Variants in TG observed in about 807,000 individuals in gnomAD.
TG encodes the protein thyroglobulin, also known as thyroid hormones.
In TG, 270 loss-of-function variants were observed where a neutral mutation model predicts 324.7. The observed-to-expected ratio is 0.83, with a 90% CI of 0.75 to 0.92. The LOEUF (loss-of-function observed/expected upper bound fraction) is 0.92, where lower values mean the gene tolerates loss of function less well. Among genes scored for constraint, TG ranks in the 40% least tolerant of loss-of-function variants. The probability of loss-of-function intolerance (pLI) is 0.00; values close to 1 mark genes in which losing one functional copy is unlikely to be tolerated. For synonymous variants in TG, 1,401 were observed against 1,327.0 expected (o/e 1.06, Z -1.21); for missense variants, 3,591 against 3,456.4 (o/e 1.04, Z -0.98).
In TG at chr8:132,887,529, A is replaced by G. The variant is rs1043994932; in HGVS notation, c.2157A>G (p.Ala719=). The G allele has an allele frequency of 6.2e-7, 1 of 1,614,216 alleles. No homozygotes were observed. The highest frequency in any genetic ancestry group is 2.2e-5 in the East Asian group (1 of 44,880). Residue 719 remains alanine, a synonymous_variant, in exon 9 of 48, where the codon GCA becomes GCG. Transcript: ENST00000220616. The part of the protein sequence containing the change: ...EGQAIPGTRS[A]IGKPKKCPTP... ...AGGCCATTCCTGGAACTCGAAGTGC[A>G]ATAGGGAAGCCCAAGAAATGTAAGT...
intron 35 of TG, among the ~76,000 whole-genome samples, chr8:132,997,588 G>A (rs1833003973): frequency 6.6e-6 from 1 of 152,136 alleles, no homozygotes; most frequent in East Asian, 1.9e-4. Context: ...CCCAGGCCAG[G>A]GAGATGTGAT....
intron 40 of TG, among the ~76,000 whole-genome samples, chr8:133,024,141 C>T (rs1394807472): frequency 2.0e-5 from 3 of 152,216 alleles, no homozygotes; most frequent in Non-Finnish European, 4.4e-5. Flanking sequence ...AATGTTATCG[C>T]CACAGTCACA....
chr8:132,961,661 C>T (rs1415602903), intron 28 of TG, among the ~76,000 whole-genome samples: 1 of 152,132 alleles, frequency 6.6e-6, no homozygotes. Context: ...AGGGGAGAGA[C>T]GAGAGGCACA....
rs775938055 is a variant in TG at position 133,134,819 on chromosome 8, C to T, written c.*25C>T. On this transcript the variant is annotated 3_prime_UTR_variant, in exon 48 of 48. Coordinates refer to ENST00000220616, the MANE Select transcript of TG (RefSeq NM_003235.5). ...ACCAGCCCTTGAGCTCCCCAAAAAC[C>T]TCACCCGAGGCTGCCCACTATGGTC... 2.5e-6 allele frequency: 4 copies of T among 1,596,782 alleles called. No homozygotes were observed. Among genetic ancestry groups the T allele is most frequent in the Non-Finnish European group, 3.4e-6 (4 of 1,164,276 alleles).
At chr8:133,119,246 C>T (rs572417449) in intron 45 of TG, among the ~76,000 whole-genome samples, 37 of 152,280 alleles carry the variant, frequency 2.4e-4, no homozygotes, top group Non-Finnish European at 4.9e-4. Context: ...ATTATTCATC[C>T]GCTTTCTCCA....
rs7827593 is a variant in TG at position 133,012,217 on chromosome 8, G to A, written c.6397+182G>A. On this transcript the variant is annotated intron_variant, in intron 36 of 47. Coordinates refer to ENST00000220616, the MANE Select transcript of TG (RefSeq NM_003235.5). ...CCTCATTACCCCACAGGGCAGCCAA[G>A]GTGTCCAAGGGAATATGCCAGCCAG... 0.12 allele frequency among the ~76,000 whole-genome samples: 19,004 copies of A among 152,148 alleles called. 1,304 individuals are homozygous for A. The highest frequency in any genetic ancestry group is 0.17 in the Middle Eastern group (51 of 292).
chr8:132,985,330 A>G (rs2130711427), intron 35 of TG, among the ~76,000 whole-genome samples: 1 of 152,336 alleles, frequency 6.6e-6, no homozygotes, highest in South Asian at 2.1e-4. Flanking sequence ...ACCATTTTGT[A>G]TAAGAGACTT....
intron 38 of TG, among the ~76,000 whole-genome samples, chr8:133,019,018 A>G (rs1835315014): frequency 6.6e-6 from 1 of 152,254 alleles, no homozygotes; most frequent in Admixed American, 6.5e-5. Context: ...TACCCATTTG[A>G]CAGATGAAAT....
intron 43 of TG, among the ~76,000 whole-genome samples, chr8:133,110,247 T>C (rs879769051): frequency 2.6e-5 from 4 of 152,132 alleles, no homozygotes; most frequent in Admixed American, 6.5e-5. Flanking sequence ...GGTGGGGGCA[T>C]CATGGATTCC....
At chr8:132,988,903 A>G (rs1367181857) in intron 35 of TG, 2 of 985,112 alleles carry the variant, frequency 2.0e-6, no homozygotes, top group African/African-American at 1.7e-5. Context: ...AGAGGTGTGT[A>G]TTAGTTCATT....
intron 38 of TG, among the ~76,000 whole-genome samples, chr8:133,018,947 A>G (rs985066759): frequency 1.3e-5 from 2 of 152,250 alleles, no homozygotes; most frequent in African/African-American, 4.8e-5. Flanking sequence ...CATCTGCTCC[A>G]CTGCTGGGAA....
chr8:132,905,590 A>G (rs1818557363), intron 16 of TG, among the ~76,000 whole-genome samples: 1 of 152,118 alleles, frequency 6.6e-6, no homozygotes, highest in Non-Finnish European at 1.5e-5. Context: ...TTGCTCTTTA[A>G]TTTACTCATT....
At position 132,886,642 on chromosome 8, in the gene TG, C is replaced by T; in HGVS notation, c.1270C>T (p.Pro424Ser). Residue 424 changes from proline to serine, a missense_variant, in exon 9 of 48, where the codon CCA becomes TCA. By Grantham distance (74) the Pro-to-Ser change is moderately conservative. Transcript: ENST00000220616. Reference sequence around the variant, plus strand: ...CTTTGTGGACTCTGGGCTTCTCCGCCCAATGGTGGAGGGACAGAGCCAACA... The same window carrying T: ...CTTTGTGGACTCTGGGCTTCTCCGCTCAATGGTGGAGGGACAGAGCCAACA... ...ELFVDSGLLR[P>S]MVEGQSQQFS... 1 of 1,614,170 alleles carries T rather than the reference C, an allele frequency of 6.2e-7. No individual in the cohort carries two copies.
intron 35 of TG, chr8:132,994,604 A>G: frequency 8.9e-7 from 1 of 1,124,608 alleles, no homozygotes; most frequent in Non-Finnish European, 1.1e-6. Context: ...TTTTTAAATG[A>G]TCCTTCAGTC....
chr8:133,000,844 C>T (rs984883855), intron 35 of TG, among the ~76,000 whole-genome samples: 2 of 152,174 alleles, frequency 1.3e-5, no homozygotes, highest in South Asian at 4.1e-4. Context: ...TGTTACTTGG[C>T]TGCAGCTGCC....
At chr8:133,040,273 G>GT in intron 41 of TG, 1 of 876,574 alleles carries the variant, frequency 1.1e-6, no homozygotes, top group Non-Finnish European at 1.7e-6. Flanking sequence ...GGCATGGTAG[G>GT]TGGTGACAAT....
intron 41 of TG, among the ~76,000 whole-genome samples, chr8:133,033,415 C>T (rs1213906600): frequency 1.3e-5 from 2 of 152,170 alleles, no homozygotes; most frequent in African/African-American, 4.8e-5. Context: ...CCTGCACAGT[C>T]TTCAGACAGG....
chr8:132,937,786 A>G (rs1823825046), intron 25 of TG, among the ~76,000 whole-genome samples: 1 of 152,076 alleles, frequency 6.6e-6, no homozygotes, highest in Admixed American at 6.6e-5. Flanking sequence ...CATCACACAG[A>G]AAGTCCTAGT....
intron 20 of TG, among the ~76,000 whole-genome samples, chr8:132,914,825 G>A (rs1385711437): frequency 6.6e-6 from 1 of 152,156 alleles, no homozygotes; most frequent in East Asian, 1.9e-4. Context: ...CCCCAGGGTG[G>A]GTGAGATAGG....
Sources: gnomAD v4.1 joint callset for allele counts (sites outside exome capture counted in the v4.1 genomes callset) on GRCh38, gnomAD v4.1.1 for gene constraint, MANE v1.5 for transcripts, NCBI Gene and HGNC (gene_info 2026-07-23, HGNC 2026-07-21) for gene names.